Variants in ARHGAP40 observed in about 807,000 individuals in gnomAD.
ARHGAP40 encodes the protein Rho GTPase activating protein 40, also known as rho GTPase-activating protein 40.
A neutral mutation model predicts 73.5 loss-of-function variants in ARHGAP40; 43 were observed. That is an observed-to-expected ratio of 0.58 (90% CI 0.46 to 0.75). The LOEUF is 0.75. Among genes scored for constraint, ARHGAP40 ranks in the 30% least tolerant of loss-of-function variants. The probability of loss-of-function intolerance (pLI) is 0.00; values close to 1 mark genes in which losing one functional copy is unlikely to be tolerated. For missense variants in ARHGAP40, 734 were observed against 861.8 expected (o/e 0.85, Z 1.86); for synonymous variants, 300 against 352.8 (o/e 0.85, Z 1.68).
In ARHGAP40 at chr20:38,601,959, T is replaced by C. The variant is rs1034672561; in HGVS notation, c.17T>C (p.Leu6Pro). Residue 6 changes from leucine to proline, a missense_variant, in exon 1 of 15, where the codon CTC (leucine) becomes CCC (proline). Leu to Pro is a moderately conservative substitution (Grantham distance 98, BLOSUM62 -3). Coordinates refer to ENST00000373345, the Ensembl canonical transcript of ARHGAP40. ...TGCCAGCCCATGGCCGAGCCTGCCC[T>C]CCTCCCCGCCGCCCAGATGGAGAGG... The C allele has an allele frequency of 3.1e-6, 4 of 1,287,672 alleles. No individual in the cohort carries two copies. The African/African-American group carries it at 6.1e-5, about 20-fold the overall frequency. 79.8% of individuals were successfully genotyped at this position (1,287,672 alleles called of 1,614,324 possible). A position where few individuals can be genotyped will look rare whatever the true frequency, so the allele number is the denominator to read the frequency against.
intron 2 of ARHGAP40, among the ~76,000 whole-genome samples, chr20:38,626,470 C>T (rs549381639): frequency 4.1e-4 from 63 of 152,354 alleles, no homozygotes; most frequent in Middle Eastern, 3.4e-3. Flanking sequence ...AATCTCAACA[C>T]ACCCTCCCAT....
At chr20:38,604,397 G>GTT (rs5841299) in intron 1 of ARHGAP40, among the ~76,000 whole-genome samples, 120 of 138,634 alleles carry the variant, frequency 8.7e-4, no homozygotes, top group African/African-American at 2.1e-3. Context: ...GAACAGTGGT[G>GTT]TTTTTTTTTT....
chr20:38,617,530 G>A (rs761707612), intron 1 of ARHGAP40, among the ~76,000 whole-genome samples: 2 of 152,276 alleles, frequency 1.3e-5, no homozygotes, highest in African/African-American at 4.8e-5. Flanking sequence ...GAGCAGGGGA[G>A]CTTGGATGGG....
At chr20:38,617,169 C>G (rs1202428936) in intron 1 of ARHGAP40, among the ~76,000 whole-genome samples, 1 of 152,162 alleles carries the variant, frequency 6.6e-6, no homozygotes, top group African/African-American at 2.4e-5. Context: ...CCTGGTTTGG[C>G]TGCTGGAGAG....
chr20:38,631,284 C>T (rs1038966208), intron 5 of ARHGAP40, among the ~76,000 whole-genome samples: 2 of 143,906 alleles, frequency 1.4e-5, no homozygotes, highest in African/African-American at 2.6e-5. Context: ...GCTCTCCAGC[C>T]TGGGCCACAG....
intron 8 of ARHGAP40, 90 bp downstream of exon 8, chr20:38,638,928 C>G: frequency 1.8e-6 from 2 of 1,138,742 alleles, no homozygotes; most frequent in Non-Finnish European, 2.4e-6. Context: ...GTCCCTGACT[C>G]GCCAGTGATC....
intron 1 of ARHGAP40, among the ~76,000 whole-genome samples, chr20:38,606,205 C>T (rs1247886495): frequency 6.6e-6 from 1 of 152,196 alleles, no homozygotes; most frequent in African/African-American, 2.4e-5. Flanking sequence ...CATTTTATGA[C>T]TGGACAGTAC....
intron 5 of ARHGAP40, 111 bp downstream of exon 5, chr20:38,629,761 A>G (rs1397316659): frequency 5.4e-6 from 6 of 1,108,084 alleles, no homozygotes; most frequent in Non-Finnish European, 7.0e-6. Flanking sequence ...AAAGTTGTTA[A>G]TTCATTCATT....
Position 38,646,027 on chromosome 20 carries a change from A to G in ARHGAP40, c.1570-20A>G, listed in dbSNP as rs2089050269. ...CCAGAAGTCCTATCCCCCTGCCAAA[A>G]CTTGATCCTTTCTGGCCAGGTCGCC... On this transcript the variant is annotated intron_variant, in intron 11 of 14. Transcript: ENST00000373345. The surrounding 1 kb of genome is among the most constrained non-coding windows in gnomAD (Gnocchi z 4.5). The G allele has an allele frequency of 1.5e-6, 2 of 1,292,170 alleles. No individual in the cohort carries two copies. The highest frequency in any genetic ancestry group is 2.3e-5 in the Admixed American group (1 of 42,556). The allele number at this position is 1,292,170 out of a possible 1,614,324, so 80.0% of individuals were successfully genotyped here.
intron 7 of ARHGAP40, 89 bp from the exon 8 acceptor site, chr20:38,638,672 T>C (rs2088993324): frequency 9.8e-7 from 1 of 1,023,776 alleles, no homozygotes; most frequent in Admixed American, 2.4e-5. Flanking sequence ...TACTCCCCTC[T>C]TTCTGATTTT....
intron 3 of ARHGAP40, among the ~76,000 whole-genome samples, chr20:38,628,309 C>CTTTT (rs112317328): frequency 6.9e-6 from 1 of 145,670 alleles, no homozygotes. Flanking sequence ...GTACAAAATC[C>CTTTT]TTTTTTTTTT....
chr20:38,611,209 A>G (rs1272807887), intron 1 of ARHGAP40, among the ~76,000 whole-genome samples: 1 of 151,936 alleles, frequency 6.6e-6, no homozygotes, highest in African/African-American at 2.4e-5. Context: ...TTTTAACATT[A>G]ATGCTGGTCA....
intron 8 of ARHGAP40, 128 bp downstream of exon 8, chr20:38,638,966 G>A: frequency 1.1e-6 from 1 of 946,100 alleles, no homozygotes; most frequent in Non-Finnish European, 1.5e-6. Flanking sequence ...TGGGTCGAGG[G>A]TTTGAGAGGC....
At chr20:38,607,858 A>T (rs6015464) in intron 1 of ARHGAP40, among the ~76,000 whole-genome samples, 2 of 152,050 alleles carry the variant, frequency 1.3e-5, no homozygotes, top group Non-Finnish European at 2.9e-5. Flanking sequence ...ATCTTTTCAC[A>T]TAGGGCATTT....
chr20:38,610,552 G>T (rs2088798298), intron 1 of ARHGAP40, among the ~76,000 whole-genome samples: 1 of 152,232 alleles, frequency 6.6e-6, no homozygotes, highest in Non-Finnish European at 1.5e-5. Context: ...GGAGACAGGA[G>T]TTATAGGCAA....
chr20:38,621,310 C>A (rs1057363539), intron 1 of ARHGAP40, among the ~76,000 whole-genome samples: 6 of 152,206 alleles, frequency 3.9e-5, no homozygotes, highest in African/African-American at 1.4e-4. Flanking sequence ...GGATTCTCTT[C>A]TACTGTACAA....
intron 5 of ARHGAP40, among the ~76,000 whole-genome samples, chr20:38,631,416 C>A (rs907923032): frequency 3.3e-5 from 5 of 151,844 alleles, no homozygotes; most frequent in African/African-American, 1.2e-4. Context: ...GCTGGGGAGG[C>A]CTCACAATCA....
exon 1 of ARHGAP40, chr20:38,601,920 C>T (rs1408433915): frequency 3.1e-6 from 4 of 1,287,536 alleles, no homozygotes; most frequent in South Asian, 2.5e-5. Context: ...CACGACCGAC[C>T]GGGATCCTCG....
At chr20:38,629,977 A>C (rs903878534) in intron 5 of ARHGAP40, among the ~76,000 whole-genome samples, 2 of 151,876 alleles carry the variant, frequency 1.3e-5, no homozygotes, top group African/African-American at 4.8e-5. Flanking sequence ...TAGTGCCTGG[A>C]GTGACAGAGA....
Sources: gnomAD v4.1 joint callset for allele counts (sites outside exome capture counted in the v4.1 genomes callset) on GRCh38, gnomAD v4.1.1 for gene constraint, Gnocchi (gnomAD v3.1) non-coding constraint, MANE v1.5 for transcripts, NCBI Gene and HGNC (gene_info 2026-07-23, HGNC 2026-07-21) for gene names.